Variants in PRRC2B observed in about 807,000 individuals in gnomAD.
PRRC2B encodes the protein proline rich coiled-coil 2B, also known as protein PRRC2B.
A neutral mutation model predicts 242.3 loss-of-function variants in PRRC2B; 68 were observed. That is an observed-to-expected ratio of 0.28 (90% CI 0.23 to 0.34). PRRC2B has a LOEUF of 0.34. PRRC2B is among the 10% of genes least tolerant of loss of function. PRRC2B has a pLI of 1.00. For missense variants in PRRC2B, 2,835 were observed against 2,954.8 expected (o/e 0.96, Z 0.94); for synonymous variants, 1,228 against 1,173.6 (o/e 1.05, Z -0.95).
intron 5 of PRRC2B, among the ~76,000 whole-genome samples, chr9:131,440,715 G>C (rs1838537667): frequency 6.6e-6 from 1 of 152,142 alleles, no homozygotes; most frequent in African/African-American, 2.4e-5. Flanking sequence ...ATGTGATTTG[G>C]CTATAAAGAA....
At chr9:131,412,900 C>G (rs770242774) in intron 1 of PRRC2B, among the ~76,000 whole-genome samples, 6 of 150,114 alleles carry the variant, frequency 4.0e-5, no homozygotes, top group Non-Finnish European at 8.9e-5. Context: ...CTCAGGAGAT[C>G]CTCCAGCCTC....
rs770584731 is a variant in PRRC2B, at chr9:131,475,864, C to G, written c.3735C>G (p.Cys1245Trp). The part of the protein sequence containing the change: ...SWQEYGPSDT[C>W]GSRRPTDRDY... The stretch of plus-strand genomic sequence containing the variant: ...AGGAATATGGCCCTTCCGACACATG[C>G]GGATCCCGGCGACCTACAGACAGAG... The change falls in exon 16 of 32, where the codon TGC becomes TGG. Residue 1245 changes from cysteine to tryptophan, a missense_variant. By Grantham distance (215) the Cys-to-Trp change is radical. Transcript: ENST00000683519. 3.1e-6 allele frequency: 5 copies of G among 1,613,540 alleles called. No individual in the cohort carries two copies. Among genetic ancestry groups the G allele is most frequent in the Non-Finnish European group, 4.2e-6 (5 of 1,179,726 alleles).
At chr9:131,484,540 T>C in intron 23 of PRRC2B, 146 bp from the exon 24 acceptor site, 1 of 590,864 alleles carries the variant, frequency 1.7e-6, no homozygotes, top group Non-Finnish European at 2.9e-6. Flanking sequence ...TGTAGGTGCT[T>C]TTGGGAAAAG....
intron 1 of PRRC2B, among the ~76,000 whole-genome samples, chr9:131,412,798 T>C (rs1047275954): frequency 3.9e-4 from 3 of 7,616 alleles, no homozygotes; most frequent in African/African-American, 4.0e-4. Flanking sequence ...TCTCTCTCTC[T>C]TTTTTTTTTT....
intron 18 of PRRC2B, 97 bp from the exon 19 acceptor site, chr9:131,479,154 AG>A (rs1233393135): frequency 5.7e-6 from 7 of 1,227,678 alleles, no homozygotes; most frequent in Non-Finnish European, 7.0e-6. Flanking sequence ...GAGCATTTTC[AG>A]GTGGTGTGAT....
intron 3 of PRRC2B, among the ~76,000 whole-genome samples, chr9:131,435,813 C>T (rs1838346982): frequency 6.6e-6 from 1 of 152,054 alleles, no homozygotes; most frequent in African/African-American, 2.4e-5. Context: ...AGTCATAGAG[C>T]TTTATGTATG....
chr9:131,484,662 T>G, intron 23 of PRRC2B, 24 bp from the exon 24 acceptor site: 1 of 1,572,572 alleles, frequency 6.4e-7, no homozygotes, highest in Non-Finnish European at 8.7e-7. Flanking sequence ...TTGTGTTCCA[T>G]GGTTTCCTTT....
intron 28 of PRRC2B, chr9:131,490,554 A>G (rs1944160136): frequency 7.7e-6 from 4 of 519,048 alleles, no homozygotes; most frequent in African/African-American, 3.9e-5. Context: ...GGAGATGAAG[A>G]GGACAGTGAC....
chr9:131,428,927 A>G (rs1838047332), intron 1 of PRRC2B, among the ~76,000 whole-genome samples: 1 of 152,190 alleles, frequency 6.6e-6, no homozygotes, highest in African/African-American at 2.4e-5. Flanking sequence ...CCTGGCACAC[A>G]GGCCCTTGGT....
intron 1 of PRRC2B, among the ~76,000 whole-genome samples, chr9:131,403,059 C>T (rs1053533797): frequency 2.0e-4 from 30 of 152,186 alleles, no homozygotes; most frequent in African/African-American, 7.2e-4. Flanking sequence ...TTCCATGGGT[C>T]CTTTGTGTCT....
chr9:131,487,027 G>A lies in PRRC2B; in HGVS notation c.5857-140G>A. ...AGGCTTTATCCCAATAGCAAGGGAA[G>A]CCCAGGAATGACATGCTGGCATTTG... is the stretch of plus-strand genomic sequence containing the variant. On this transcript the variant is annotated intron_variant, in intron 26 of 31. Coordinates refer to ENST00000683519, the MANE Select transcript of PRRC2B (RefSeq NM_013318.4). This position sits in a 1 kb window ranked among gnomAD's most constrained non-coding sequence, Gnocchi z 5.3. 1 of 721,162 alleles carries A rather than the reference G, an allele frequency of 1.4e-6. No homozygotes were observed. The highest frequency in any genetic ancestry group is 2.4e-6 in the Non-Finnish European group (1 of 420,868). The allele number at this position is 721,162 out of a possible 1,614,324, so 44.7% of individuals were successfully genotyped here.
chr9:131,479,170 G>A, intron 18 of PRRC2B, 82 bp from the exon 19 acceptor site: 1 of 1,412,998 alleles, frequency 7.1e-7, no homozygotes, highest in African/African-American at 1.4e-5. Context: ...TGTGATTTTT[G>A]GTACCTGGGA....
chr9:131,415,604 TCCCTACACTTGACTTGGTCAG>T (rs1287736529), intron 1 of PRRC2B, among the ~76,000 whole-genome samples: 4 of 152,224 alleles, frequency 2.6e-5, no homozygotes, highest in African/African-American at 4.8e-5. Flanking sequence ...TCTTTTTCTG[TCCCTACACTTGACTTGGTCAG>T]CTGAGTATTG....
intron 1 of PRRC2B, among the ~76,000 whole-genome samples, chr9:131,384,487 A>G (rs961222200): frequency 2.0e-5 from 3 of 151,938 alleles, no homozygotes; most frequent in Admixed American, 2.0e-4. Context: ...TTTCACCATC[A>G]TGGCCAAGCT....
intron 8 of PRRC2B, 142 bp from the exon 9 acceptor site, chr9:131,447,520 T>C: frequency 1.1e-6 from 1 of 946,532 alleles, no homozygotes; most frequent in Non-Finnish European, 1.5e-6. Flanking sequence ...GTTTGCTCAT[T>C]ATATATTTCT....
At chr9:131,413,079 A>G (rs555322905) in intron 1 of PRRC2B, among the ~76,000 whole-genome samples, 1 of 150,556 alleles carries the variant, frequency 6.6e-6, no homozygotes, top group South Asian at 2.1e-4. Flanking sequence ...TAATAAATAA[A>G]TTAATGTACT....
intron 1 of PRRC2B, among the ~76,000 whole-genome samples, chr9:131,380,748 G>T (rs1204558553): frequency 1.3e-5 from 2 of 151,006 alleles, no homozygotes; most frequent in African/African-American, 4.9e-5. Context: ...CATGGTAGCA[G>T]GCGCCTGTAA....
chr9:131,459,287 C>A lies in PRRC2B; in HGVS notation c.1335C>A (p.Val445=), dbSNP rs1415609647. Residue 445 remains valine, a synonymous_variant, in exon 11 of 32, where the codon GTC becomes GTA. Coordinates refer to ENST00000683519, the MANE Select transcript of PRRC2B (RefSeq NM_013318.4). ...WAEAVGASRV[V]RKAPDPQPPP... is the part of the protein sequence containing the mutation. Reference sequence around the variant, plus strand: ...AAGCAGTGGGTGCGTCCCGTGTGGTCCGAAAGGCGCCAGACCCTCAGCCAC... The same window carrying A: ...AAGCAGTGGGTGCGTCCCGTGTGGTACGAAAGGCGCCAGACCCTCAGCCAC... 3 of 1,613,878 alleles carry A rather than the reference C, an allele frequency of 1.9e-6. No individual in the cohort carries two copies. The highest frequency in any genetic ancestry group is 1.6e-4 in the Middle Eastern group (1 of 6,062).
rs942408512 is a variant in PRRC2B at position 131,446,980 on chromosome 9, G to C, written c.856-105G>C. The C allele has an allele frequency of 6.9e-7, 1 of 1,451,400 alleles. No individual in the cohort carries two copies. The highest frequency in any genetic ancestry group is 9.5e-7 in the Non-Finnish European group (1 of 1,056,184). 89.9% of individuals were successfully genotyped at this position (1,451,400 alleles called of 1,614,324 possible). ...AATTAGGAAACCCCATGACTTTCCT[G>C]TTTCTTTTTCCCATTTTCCACTTTA... On this transcript the variant is annotated intron_variant, in intron 7 of 31. Coordinates refer to ENST00000683519, the MANE Select transcript of PRRC2B (RefSeq NM_013318.4). This position sits in a 1 kb window ranked among gnomAD's most constrained non-coding sequence, Gnocchi z 4.1.
Sources: gnomAD v4.1 joint callset for allele counts (sites outside exome capture counted in the v4.1 genomes callset) on GRCh38, gnomAD v4.1.1 for gene constraint, Gnocchi (gnomAD v3.1) non-coding constraint, MANE v1.5 for transcripts, NCBI Gene and HGNC (gene_info 2026-07-23, HGNC 2026-07-21) for gene names.